DLC1: variants seen among roughly 807,000 people sequenced by gnomAD.
DLC1 encodes the protein DLC1 Rho GTPase activating protein.
Under a neutral mutation model 140.3 loss-of-function variants are expected in DLC1, and 54 were observed. The observed-to-expected ratio is 0.38, with a 90% CI of 0.31 to 0.48. DLC1 has a LOEUF of 0.48. Among genes scored for constraint, DLC1 ranks in the 20% least tolerant of loss-of-function variants. The pLI, the probability that DLC1 is intolerant of heterozygous loss-of-function variation, is 0.96. For synonymous variants in DLC1, 986 were observed against 728.1 expected (o/e 1.35, Z -5.70); for missense variants, 2,536 against 1,907.0 (o/e 1.33, Z -6.14).
At chr8:13,471,039 C>T (rs2117069729) in intron 2 of DLC1, among the ~76,000 whole-genome samples, 1 of 151,990 alleles carries the variant, frequency 6.6e-6, no homozygotes, top group East Asian at 1.9e-4. Flanking sequence ...ATAAGCCACA[C>T]ACAGACAGAT....
chr8:13,312,386 A>AATAATAATAATAAT (rs1554494786), intron 4 of DLC1, among the ~76,000 whole-genome samples: 1 of 81,680 alleles, frequency 1.2e-5, no homozygotes, highest in African/African-American at 4.5e-5. Context: ...AAAAAAAAAA[A>AATAATAATAATAAT]AATAATTTCT....
intron 4 of DLC1, among the ~76,000 whole-genome samples, chr8:13,306,666 T>C (rs759982614): frequency 2.0e-5 from 3 of 151,884 alleles, no homozygotes; most frequent in African/African-American, 7.2e-5. Context: ...TTTCGAGAAA[T>C]AGCAAATATC....
chr8:13,466,733 C>T (rs1190692425), intron 2 of DLC1, among the ~76,000 whole-genome samples: 1 of 152,148 alleles, frequency 6.6e-6, no homozygotes, highest in Non-Finnish European at 1.5e-5. Context: ...AACTGATCTT[C>T]CTGGATACCT....
intron 5 of DLC1, among the ~76,000 whole-genome samples, chr8:13,174,857 G>A (rs1825674266): frequency 6.6e-6 from 1 of 152,032 alleles, no homozygotes; most frequent in Non-Finnish European, 1.5e-5. Flanking sequence ...AAGTTCTTCT[G>A]TTTAATTAGG....
chr8:13,294,786 C>G (rs900744284), intron 5 of DLC1, among the ~76,000 whole-genome samples: 2 of 152,138 alleles, frequency 1.3e-5, no homozygotes, highest in Non-Finnish European at 2.9e-5. Flanking sequence ...GCATTGCTGG[C>G]TTTGAATCCT....
chr8:13,432,236 C>T (rs1298841372), intron 2 of DLC1, among the ~76,000 whole-genome samples: 1 of 152,110 alleles, frequency 6.6e-6, no homozygotes, highest in African/African-American at 2.4e-5. Context: ...TAGGCAACTT[C>T]AGAACAGATA....
At chr8:13,263,161 T>G (rs766534067) in intron 5 of DLC1, among the ~76,000 whole-genome samples, 9 of 152,192 alleles carry the variant, frequency 5.9e-5, no homozygotes, top group Non-Finnish European at 1.3e-4. Flanking sequence ...TTTGTCCACT[T>G]GTTCAAGGGA....
At chr8:13,396,463 C>G (rs989540282) in intron 3 of DLC1, among the ~76,000 whole-genome samples, 4 of 152,156 alleles carry the variant, frequency 2.6e-5, no homozygotes, top group African/African-American at 9.7e-5. Flanking sequence ...CTTTTAAAAA[C>G]TACCGTTTAT....
intron 5 of DLC1, among the ~76,000 whole-genome samples, chr8:13,224,185 G>T (rs761677850): frequency 2.6e-5 from 4 of 152,104 alleles, no homozygotes; most frequent in Admixed American, 1.3e-4. Context: ...CCCACATGAG[G>T]CTACTGAAAT....
At chr8:13,470,894 T>C (rs1800174746) in intron 2 of DLC1, among the ~76,000 whole-genome samples, 1 of 152,154 alleles carries the variant, frequency 6.6e-6, no homozygotes, top group East Asian at 1.9e-4. Flanking sequence ...AATGGACAAA[T>C]GGATAAAGAT....
intron 1 of DLC1, among the ~76,000 whole-genome samples, chr8:13,597,227 A>G (rs974757819): frequency 6.6e-6 from 1 of 152,060 alleles, no homozygotes; most frequent in African/African-American, 2.4e-5. Flanking sequence ...AATAAATGAA[A>G]GATGGATAGA....
chr8:13,518,496 A>G (rs1802664486), upstream of DLC1, among the ~76,000 whole-genome samples: 1 of 152,224 alleles, frequency 6.6e-6, no homozygotes, highest in Non-Finnish European at 1.5e-5. Context: ...AATCATTTTC[A>G]GGAAAGTTGA....
intron 1 of DLC1, among the ~76,000 whole-genome samples, chr8:13,554,242 C>A (rs1198779293): frequency 6.6e-6 from 1 of 151,952 alleles, no homozygotes; most frequent in African/African-American, 2.4e-5. Context: ...AATTTTTGTA[C>A]TTTTAGTAGA....
chr8:13,477,180 C>G (rs1452876995), intron 2 of DLC1, among the ~76,000 whole-genome samples: 1 of 150,382 alleles, frequency 6.6e-6, no homozygotes, highest in Non-Finnish European at 1.5e-5. Context: ...AACCCCAAAT[C>G]AGGGCCTCAG....
chr8:13,136,511 A>G (rs1215844813), intron 5 of DLC1, among the ~76,000 whole-genome samples: 2 of 152,184 alleles, frequency 1.3e-5, no homozygotes, highest in Admixed American at 1.3e-4. Flanking sequence ...AAAGGACATC[A>G]TTTCATTCTT....
At chr8:13,489,037 T>C (rs1200538650) in intron 2 of DLC1, among the ~76,000 whole-genome samples, 3 of 152,142 alleles carry the variant, frequency 2.0e-5, no homozygotes, top group African/African-American at 7.2e-5. Context: ...AACCTCTGCC[T>C]CCTGGGTTGA....
intron 5 of DLC1, among the ~76,000 whole-genome samples, chr8:13,121,819 C>G (rs1821100659): frequency 6.6e-6 from 1 of 152,132 alleles, no homozygotes; most frequent in African/African-American, 2.4e-5. Context: ...TCCCAAAGTG[C>G]TGGGATTACA....
intron 4 of DLC1, among the ~76,000 whole-genome samples, chr8:13,335,367 C>T (rs1205623003): frequency 6.6e-6 from 1 of 152,138 alleles, no homozygotes; most frequent in African/African-American, 2.4e-5. Flanking sequence ...GACTTATATT[C>T]AGAGGGTATA....
chr8:13,130,928 A>C (rs75339793), intron 5 of DLC1, among the ~76,000 whole-genome samples: 10,771 of 152,330 alleles, frequency 0.071, 529 homozygotes, highest in Non-Finnish European at 0.1. Flanking sequence ...GAACAGTAGT[A>C]CTAATGCAAA....
Sources: gnomAD v4.1 joint callset for allele counts (sites outside exome capture counted in the v4.1 genomes callset) on GRCh38, gnomAD v4.1.1 for gene constraint, MANE v1.5 for transcripts, NCBI Gene and HGNC (gene_info 2026-07-23, HGNC 2026-07-21) for gene names.